The following MED1 variants were observed in gnomAD, a reference collection of about 807,000 sequenced individuals.
The protein encoded by MED1 is mediator complex subunit 1.
MED1 carries 17 observed loss-of-function variants against 121.3 expected under a neutral mutation model. The ratio of observed to expected loss-of-function variants is 0.14; its 90% CI spans 0.10 to 0.21. MED1 has a LOEUF of 0.21. Ranked by LOEUF, MED1 falls within the 10% of genes least tolerant of loss-of-function variation. The pLI is 1.00. For synonymous variants in MED1, 661 were observed against 694.4 expected, an observed-to-expected ratio of 0.95 and a Z score of 0.76; for missense variants, 1,558 against 1,919.4, an observed-to-expected ratio of 0.81 and a Z score of 3.52.
At chr17:39,437,656 C>T (rs1437229326) in intron 6 of MED1, among the ~76,000 whole-genome samples, 2 of 152,066 alleles carry the variant, frequency 1.3e-5, no homozygotes, top group Non-Finnish European at 2.9e-5. Flanking sequence ...AAACAGGGGC[C>T]GGGCACAGTG....
intron 14 of MED1, 103 bp downstream of exon 14, chr17:39,419,613 CT>C: frequency 4.5e-6 from 5 of 1,103,668 alleles, no homozygotes; most frequent in East Asian, 5.0e-5. Context: ...AAAAAAAAAA[CT>C]TTTTTTAAGT....
chr17:39,422,602 A>G (rs2048476967), intron 13 of MED1, among the ~76,000 whole-genome samples: 1 of 148,952 alleles, frequency 6.7e-6, no homozygotes, highest in Non-Finnish European at 1.5e-5. Flanking sequence ...CAGCCTCCCA[A>G]GTAGCTGGGA....
At chr17:39,438,011 C>T (rs1253015386) in intron 6 of MED1, among the ~76,000 whole-genome samples, 2 of 151,852 alleles carry the variant, frequency 1.3e-5, no homozygotes, top group African/African-American at 4.8e-5. Flanking sequence ...CACCATTATA[C>T]TCCAGACTAG....
At chr17:39,429,631 G>T (rs1157392062) in intron 9 of MED1, among the ~76,000 whole-genome samples, 1 of 148,436 alleles carries the variant, frequency 6.7e-6, no homozygotes, top group Non-Finnish European at 1.5e-5. Flanking sequence ...AGGATGCAGA[G>T]GTTGCAATGA....
chr17:39,440,332 T>A lies in MED1; in HGVS notation c.399+54A>T. ...TAAACCCCAACAATTAATTTTAAAATTAATGTCCCTAAGTAAACCCCACAG... is the reference window on the plus strand; with the variant it reads ...TAAACCCCAACAATTAATTTTAAAAATAATGTCCCTAAGTAAACCCCACAG... On this transcript the variant is annotated intron_variant, in intron 5 of 16. Coordinates refer to ENST00000300651, the MANE Select transcript of MED1 (RefSeq NM_004774.4). The surrounding 1 kb of genome is among the most constrained non-coding windows in gnomAD (Gnocchi z 4.1). 4 of 1,493,190 alleles carry A rather than the reference T, an allele frequency of 2.7e-6. No homozygotes were observed. The South Asian group carries it at 5.6e-5, about 21-fold the overall frequency. The allele number at this position is 1,493,190 out of a possible 1,614,324, so 92.5% of individuals were successfully genotyped here.
Position 39,419,913 on chromosome 17 carries a change from A to T in MED1, c.1101T>A (p.Leu367=). 6.2e-7 allele frequency: 1 copy of T among 1,613,792 alleles called. No homozygotes were observed. Among genetic ancestry groups the T allele is most frequent in the Non-Finnish European group, 8.5e-7 (1 of 1,179,754 alleles). ...GGAAATAGCAGTGCTGCTGACCAGG[A>T]AGAGCCTGGGCAAAAAGAACAGTTA... is the stretch of plus-strand genomic sequence containing the variant. ...LNHNMRFYAA[L]PGQQHCYFLN... is the part of the protein sequence containing the mutation. The change falls in exon 14 of 17, where the codon CTT becomes CTA. Residue 367 remains leucine, a synonymous_variant. Transcript: ENST00000300651.
At chr17:39,422,664 C>T (rs1333466835) in intron 13 of MED1, among the ~76,000 whole-genome samples, 5 of 150,458 alleles carry the variant, frequency 3.3e-5, no homozygotes, top group African/African-American at 7.3e-5. Flanking sequence ...TTAGTAGAGA[C>T]GGGGTTTCAC....
chr17:39,444,493 G>A (rs2048707903), intron 2 of MED1, among the ~76,000 whole-genome samples: 1 of 150,174 alleles, frequency 6.7e-6, no homozygotes, highest in South Asian at 2.1e-4. Flanking sequence ...GCGACAGAGA[G>A]AGACTCTGTC....
At chr17:39,421,554 A>C (rs978286783) in intron 13 of MED1, among the ~76,000 whole-genome samples, 7 of 151,770 alleles carry the variant, frequency 4.6e-5, no homozygotes, top group Non-Finnish European at 8.8e-5. Context: ...CTCCATCTCA[A>C]AAAATAAAAA....
chr17:39,421,498 C>T (rs1171448932), intron 13 of MED1, among the ~76,000 whole-genome samples: 2 of 151,554 alleles, frequency 1.3e-5, no homozygotes, highest in South Asian at 2.1e-4. Flanking sequence ...TGCAGTGAGC[C>T]GAGATCGCGC....
intron 1 of MED1, among the ~76,000 whole-genome samples, chr17:39,450,447 G>T (rs1364801322): frequency 2.0e-5 from 3 of 152,322 alleles, no homozygotes; most frequent in Non-Finnish European, 4.4e-5. Context: ...ACAGTTCACT[G>T]TATCAACAGA....
chr17:39,445,898 G>A (rs965425359), intron 2 of MED1, among the ~76,000 whole-genome samples: 6 of 151,652 alleles, frequency 4.0e-5, no homozygotes, highest in South Asian at 4.2e-4. Context: ...GCATGGTGGC[G>A]GATGCCTGTA....
intron 16 of MED1, among the ~76,000 whole-genome samples, chr17:39,413,902 G>C (rs1199022990): frequency 8.7e-6 from 1 of 114,866 alleles, no homozygotes; most frequent in Non-Finnish European, 1.7e-5. Flanking sequence ...TACTCTCATA[G>C]TAATATCATT....
chr17:39,422,676 A>G (rs1395683849), intron 13 of MED1, among the ~76,000 whole-genome samples: 1 of 150,810 alleles, frequency 6.6e-6, no homozygotes, highest in Non-Finnish European at 1.5e-5. Flanking sequence ...GGGTTTCACC[A>G]TGTTATCCAG....
Position 39,407,956 on chromosome 17 carries a change from C to T in MED1, c.4265G>A (p.Arg1422Lys), listed in dbSNP as rs2048319077. Residue 1422 changes from arginine (R) to lysine (K), a missense_variant, in exon 17 of 17, where the codon AGG becomes AAG. By Grantham distance (26) the Arg-to-Lys change is conservative. This residue lies in a region of MED1 where 264 missense variants were observed against 326.1 expected (regional missense o/e 0.81). Transcript: ENST00000300651. ...GTTTTTAGAAGAAGCCATTTGAGGC[C>T]TAAGCCCTTCTCCACTACTTTCCCC... is the stretch of plus-strand genomic sequence containing the variant. ...KPGESSGEGL[R>K]PQMASSKNYG... 6.2e-7 allele frequency: 1 copy of T among 1,613,960 alleles called. No homozygotes were observed. The highest frequency in any genetic ancestry group is 1.1e-5 in the South Asian group (1 of 91,084).
At chr17:39,410,789 A>G in intron 16 of MED1, 68 bp from the exon 17 acceptor site, 1 of 1,522,788 alleles carries the variant, frequency 6.6e-7, no homozygotes, top group South Asian at 1.3e-5. Context: ...AGATTTAGAT[A>G]TAACATCAGA....
intron 16 of MED1, among the ~76,000 whole-genome samples, chr17:39,413,336 C>G (rs1359788876): frequency 6.6e-6 from 1 of 152,206 alleles, no homozygotes; most frequent in African/African-American, 2.4e-5. Flanking sequence ...AATCTTGGCT[C>G]ACCGCAACCT....
chr17:39,404,991 G>A lies in MED1; in HGVS notation c.*2484C>T, dbSNP rs777999964. On this transcript the variant is annotated 3_prime_UTR_variant, in exon 17 of 17. Coordinates refer to ENST00000300651, the MANE Select transcript of MED1 (RefSeq NM_004774.4). ...AATGTTAAGTCAAAAGACAGAAGAG[G>A]AATCAGGTCAAACTGAGAATACATA... is the stretch of plus-strand genomic sequence containing the variant. 7.1e-5 allele frequency: 30 copies of A among 423,458 alleles called. No homozygotes were observed. The highest frequency in any genetic ancestry group is 1.0e-4 in the Non-Finnish European group (25 of 239,754). The allele number at this position is 423,458 out of a possible 1,614,324, so 26.2% of individuals were successfully genotyped here.
At chr17:39,450,644 T>C (rs761471813) in intron 1 of MED1, among the ~76,000 whole-genome samples, 2 of 152,234 alleles carry the variant, frequency 1.3e-5, no homozygotes, top group Non-Finnish European at 2.9e-5. Context: ...AGAGAACTGC[T>C]GGCTGCTAAT....
Sources: allele counts gnomAD v4.1 joint callset (sites outside exome capture counted in the v4.1 genomes callset), GRCh38; gene constraint gnomAD v4.1.1; regional missense constraint gnomAD v4.1.1; non-coding constraint Gnocchi (gnomAD v3.1); transcripts MANE v1.5; gene names NCBI Gene and HGNC (gene_info 2026-07-23, HGNC 2026-07-21).